The following ASTN2 variants were observed in gnomAD, a reference collection of about 807,000 sequenced individuals.
ASTN2 encodes the protein astrotactin 2.
A neutral mutation model predicts 139.8 loss-of-function variants in ASTN2; 54 were observed. The ratio of observed to expected loss-of-function variants is 0.39; its 90% CI spans 0.31 to 0.48. ASTN2 has a LOEUF of 0.48. ASTN2 is among the 20% of genes least tolerant of loss of function. The pLI, the probability that ASTN2 is intolerant of heterozygous loss-of-function variation, is 0.95. For missense variants in ASTN2, 1,565 were observed against 1,725.1 expected, an observed-to-expected ratio of 0.91 and a Z score of 1.64; for synonymous variants, 756 against 719.5, an observed-to-expected ratio of 1.05 and a Z score of -0.81.
At chr9:116,652,275 G>A (rs546780183) in intron 16 of ASTN2, among the ~76,000 whole-genome samples, 9 of 152,270 alleles carry the variant, frequency 5.9e-5, no homozygotes, top group African/African-American at 1.9e-4. Context: ...GCAGTGAGCT[G>A]AGATTGTGCC....
chr9:116,849,195 G>T (rs1302225024), intron 11 of ASTN2, among the ~76,000 whole-genome samples: 1 of 152,160 alleles, frequency 6.6e-6, no homozygotes, highest in African/African-American at 2.4e-5. Context: ...GGAAACTCTT[G>T]AACCTAGTCC....
Position 116,699,068 on chromosome 9 carries a change from T to G in ASTN2, c.2806+26703A>C, listed in dbSNP as rs1372713940. ...TGGCAATGAACTGCCAGGGGCTGAT[T>G]GGTGTGACTGACAGCTATGATAACT... On this transcript the variant is annotated intron_variant, in intron 16 of 22. Coordinates refer to ENST00000313400, the MANE Select transcript of ASTN2 (RefSeq NM_001365068.1). The surrounding 1 kb of genome is among the most constrained non-coding windows in gnomAD (Gnocchi z 4.2). 6.2e-7 allele frequency: 1 copy of G among 1,614,138 alleles called. No individual in the cohort carries two copies. The highest frequency in any genetic ancestry group is 1.1e-5 in the South Asian group (1 of 91,082).
At chr9:116,627,792 G>A (rs1376378449) in intron 17 of ASTN2, among the ~76,000 whole-genome samples, 5 of 152,132 alleles carry the variant, frequency 3.3e-5, no homozygotes, top group Non-Finnish European at 1.5e-5. Context: ...TAATAATTAC[G>A]TGATATTTAT....
intron 13 of ASTN2, among the ~76,000 whole-genome samples, chr9:116,774,915 T>C (rs1452822732): frequency 6.6e-6 from 1 of 152,182 alleles, no homozygotes; most frequent in African/African-American, 2.4e-5. Context: ...TGCTCATGCA[T>C]AATGCATGGG....
At chr9:117,148,032 T>C (rs1830242307) in intron 3 of ASTN2, among the ~76,000 whole-genome samples, 2 of 152,156 alleles carry the variant, frequency 1.3e-5, no homozygotes, top group East Asian at 1.9e-4. Context: ...CTTGACTTGA[T>C]TGGAGATTAG....
chr9:117,007,506 GC>G (rs1837391094), intron 7 of ASTN2, among the ~76,000 whole-genome samples: 1 of 152,156 alleles, frequency 6.6e-6, no homozygotes, highest in Admixed American at 6.5e-5. Flanking sequence ...GCCACATGTA[GC>G]TAGTGGCTAC....
At chr9:117,302,048 T>G (rs565215544) in intron 1 of ASTN2, among the ~76,000 whole-genome samples, 1 of 123,260 alleles carries the variant, frequency 8.1e-6, no homozygotes, top group East Asian at 2.6e-4. Context: ...ATCTCACCAC[T>G]GTCAAGGCAA....
At chr9:116,946,953 A>G (rs904350397) in intron 10 of ASTN2, among the ~76,000 whole-genome samples, 1 of 149,448 alleles carries the variant, frequency 6.7e-6, no homozygotes, top group Non-Finnish European at 1.5e-5. Context: ...AAAAAAAAAC[A>G]ACCCAGATTG....
At chr9:116,906,224 A>G (rs927863964) in intron 10 of ASTN2, among the ~76,000 whole-genome samples, 1 of 152,194 alleles carries the variant, frequency 6.6e-6, no homozygotes, top group Admixed American at 6.5e-5. Flanking sequence ...GATAAGGATC[A>G]AAAAGAGTGG....
At chr9:116,693,340 T>C (rs1860670116) in intron 16 of ASTN2, among the ~76,000 whole-genome samples, 1 of 152,230 alleles carries the variant, frequency 6.6e-6, no homozygotes, top group African/African-American at 2.4e-5. Flanking sequence ...ACTTTAAGGT[T>C]CATTCTTTTG....
chr9:117,307,454 C>T (rs114606617), intron 1 of ASTN2, among the ~76,000 whole-genome samples: 6 of 152,330 alleles, frequency 3.9e-5, no homozygotes, highest in Admixed American at 2.0e-4. Flanking sequence ...CCATGACACA[C>T]GTAAACTTGC....
At chr9:116,741,943 A>C (rs1306699852) in intron 13 of ASTN2, among the ~76,000 whole-genome samples, 1 of 152,212 alleles carries the variant, frequency 6.6e-6, no homozygotes, top group Non-Finnish European at 1.5e-5. Flanking sequence ...TCGTTCATTC[A>C]TTCATTCCTT....
intron 1 of ASTN2, among the ~76,000 whole-genome samples, chr9:117,301,483 G>A (rs183831352): frequency 1.5e-4 from 23 of 152,246 alleles, no homozygotes; most frequent in African/African-American, 5.1e-4. Context: ...GTAGAACACC[G>A]AGTTTTCAGC....
intron 2 of ASTN2, among the ~76,000 whole-genome samples, chr9:117,216,979 T>C (rs2133028361): frequency 6.6e-6 from 1 of 152,248 alleles, no homozygotes; most frequent in East Asian, 1.9e-4. Context: ...GTAACTAGCT[T>C]GAAGTCACAC....
chr9:116,446,636 G>C (rs1226802529), intron 20 of ASTN2, among the ~76,000 whole-genome samples: 1 of 152,184 alleles, frequency 6.6e-6, no homozygotes, highest in Non-Finnish European at 1.5e-5. Context: ...TTATGAAAGA[G>C]GCGGCTCATG....
At chr9:117,231,119 A>G (rs924755895) in intron 2 of ASTN2, among the ~76,000 whole-genome samples, 7 of 152,230 alleles carry the variant, frequency 4.6e-5, no homozygotes, top group African/African-American at 1.4e-4. Context: ...TTCTGATCAC[A>G]GCAGGTCAAT....
intron 6 of ASTN2, among the ~76,000 whole-genome samples, chr9:117,023,507 T>C (rs1026485550): frequency 6.6e-6 from 1 of 152,144 alleles, no homozygotes; most frequent in African/African-American, 2.4e-5. Context: ...TTACACCATT[T>C]TAATTATCCT....
chr9:116,941,346 G>A (rs983867126), intron 10 of ASTN2, among the ~76,000 whole-genome samples: 14 of 151,524 alleles, frequency 9.2e-5, no homozygotes, highest in African/African-American at 3.4e-4. Flanking sequence ...AATAATTTTA[G>A]ATTTACAGAA....
Position 117,234,777 on chromosome 9 carries a change from G to A in ASTN2, c.631-20035C>T, listed in dbSNP as rs565507754. ...TGAGAGCCTTTTCTAGGTCAGGCAC[G>A]ATTAGTGGCAGAGCCAGGACTAGAA... On this transcript the variant is annotated intron_variant, in intron 2 of 22. Coordinates refer to ENST00000313400, the MANE Select transcript of ASTN2 (RefSeq NM_001365068.1). Among the ~76,000 whole-genome samples, 20 of 152,276 alleles carry A rather than the reference G, an allele frequency of 1.3e-4. 3 individuals are homozygous for A. The highest frequency in any genetic ancestry group is 4.8e-4 in the African/African-American group (20 of 41,562).
Sources: allele counts gnomAD v4.1 joint callset (sites outside exome capture counted in the v4.1 genomes callset), GRCh38; gene constraint gnomAD v4.1.1; non-coding constraint Gnocchi (gnomAD v3.1); transcripts MANE v1.5; gene names NCBI Gene and HGNC (gene_info 2026-07-23, HGNC 2026-07-21).